Variants in RP1 observed in about 807,000 individuals in gnomAD.
RP1 encodes RP1 axonemal microtubule associated, also known as oxygen-regulated protein 1.
RP1 carries 16 observed loss-of-function variants against 14.8 expected under a neutral mutation model. The ratio of observed to expected loss-of-function variants is 1.08; its 90% CI spans 0.73 to 1.65. The LOEUF is 1.65. RP1 is among the 40% of genes most tolerant of loss of function. The pLI, the probability that RP1 is intolerant of heterozygous loss-of-function variation, is 0.00. For missense variants in RP1, 2,631 were observed against 2,535.0 expected (o/e 1.04, Z -0.81); for synonymous variants, 876 against 883.6 (o/e 0.99, Z 0.15).
chr8:54,665,814 C>T (rs1807003758), intron 7 of RP1, among the ~76,000 whole-genome samples: 2 of 152,076 alleles, frequency 1.3e-5, no homozygotes, highest in Non-Finnish European at 2.9e-5. Context: ...TCTGTCACCG[C>T]CTGGATGCAA....
intron 1 of RP1, among the ~76,000 whole-genome samples, chr8:54,605,165 T>C (rs1805397420): frequency 6.6e-6 from 1 of 152,220 alleles, no homozygotes; most frequent in Non-Finnish European, 1.5e-5. Context: ...TTCTTTCTCT[T>C]GTGGGCATTT....
chr8:54,649,114 C>T (rs1336118196), exon 4 of RP1: 2 of 1,512,774 alleles, frequency 1.3e-6, no homozygotes, highest in African/African-American at 1.4e-5. Flanking sequence ...ACAGATGGGG[C>T]TCGATTTCAG....
intron 24 of RP1, among the ~76,000 whole-genome samples, chr8:54,821,740 C>A (rs981029018): frequency 6.6e-6 from 1 of 152,150 alleles, no homozygotes; most frequent in African/African-American, 2.4e-5. Context: ...CCGCTAAGTA[C>A]CCCAAGGGCA....
At chr8:54,596,543 A>G (rs1304674952) in intron 1 of RP1, among the ~76,000 whole-genome samples, 2 of 152,160 alleles carry the variant, frequency 1.3e-5, no homozygotes, top group Non-Finnish European at 1.5e-5. Flanking sequence ...TATGACCTCA[A>G]ATCTGTTACA....
At chr8:54,848,052 G>A (rs975246307) in intron 25 of RP1, among the ~76,000 whole-genome samples, 1 of 152,118 alleles carries the variant, frequency 6.6e-6, no homozygotes, top group South Asian at 2.1e-4. Flanking sequence ...CAACATGAAA[G>A]TACATGTGAT....
chr8:54,592,095 A>C lies in RP1; in HGVS notation c.-12-28860A>C, dbSNP rs533234905. Among the ~76,000 whole-genome samples, 3 of 152,308 alleles carry C rather than the reference A, an allele frequency of 2.0e-5. No individual in the cohort carries two copies. The South Asian group carries it at 6.2e-4, about 32-fold the overall frequency. ...GAGAAGAATTGTAATCATTTTTGCA[A>C]ACAACCCACCACAAGGATATATATT... On this transcript the variant is annotated intron_variant, in intron 1 of 22. Coordinates refer to the RP1 transcript ENST00000636932.
At chr8:54,652,141 G>A (rs1254481674) in intron 4 of RP1, among the ~76,000 whole-genome samples, 1 of 152,010 alleles carries the variant, frequency 6.6e-6, no homozygotes, top group Non-Finnish European at 1.5e-5. Context: ...CCAAGTAGCT[G>A]GGATTACAGG....
At chr8:54,571,924 C>A (rs1385892215) in intron 1 of RP1, among the ~76,000 whole-genome samples, 1 of 152,124 alleles carries the variant, frequency 6.6e-6, no homozygotes, top group Non-Finnish European at 1.5e-5. Context: ...ACCCTAATCA[C>A]CTCATCTTAA....
intron 3 of RP1, among the ~76,000 whole-genome samples, chr8:54,638,559 T>G (rs1240828088): frequency 1.3e-5 from 2 of 152,128 alleles, no homozygotes; most frequent in Non-Finnish European, 2.9e-5. Flanking sequence ...TATTTTCTAA[T>G]CCCAACATGA....
At chr8:54,726,469 A>C in exon 17 of RP1, 1 of 1,527,120 alleles carries the variant, frequency 6.5e-7, no homozygotes, top group Non-Finnish European at 8.7e-7. Context: ...TACCTTCTTC[A>C]ACTGCAAGTA....
At chr8:54,836,475 AG>A (rs1349094664) in intron 24 of RP1, among the ~76,000 whole-genome samples, 1 of 152,212 alleles carries the variant, frequency 6.6e-6, no homozygotes, top group African/African-American at 2.4e-5. Context: ...TGCCTCTAAA[AG>A]CAAACATTTT....
chr8:54,600,539 T>C (rs1448329635), intron 1 of RP1, among the ~76,000 whole-genome samples: 1 of 151,708 alleles, frequency 6.6e-6, no homozygotes, highest in Non-Finnish European at 1.5e-5. Context: ...TAAGAGGGAG[T>C]GTGGTGGCTT....
downstream of RP1, among the ~76,000 whole-genome samples, chr8:54,632,359 A>G (rs1202406959): frequency 6.6e-6 from 1 of 152,184 alleles, no homozygotes; most frequent in Non-Finnish European, 1.5e-5. Flanking sequence ...ATGCATCATA[A>G]TTGGGAGAAG....
intron 3 of RP1, among the ~76,000 whole-genome samples, chr8:54,645,989 A>G (rs1806542161): frequency 6.6e-6 from 1 of 152,030 alleles, no homozygotes; most frequent in Admixed American, 6.6e-5. Flanking sequence ...CACCACCCGC[A>G]TTCTTTTTTT....
upstream of RP1, among the ~76,000 whole-genome samples, chr8:54,613,526 G>A (rs546037124): frequency 2.0e-5 from 3 of 152,296 alleles, no homozygotes; most frequent in African/African-American, 7.2e-5. Context: ...TGATAAAGAA[G>A]TTACACTTCT....
intron 23 of RP1, among the ~76,000 whole-genome samples, chr8:54,780,597 G>A (rs1022531934): frequency 1.3e-5 from 2 of 152,072 alleles, no homozygotes; most frequent in African/African-American, 2.4e-5. Context: ...TACTGAACAC[G>A]TACAGACTTT....
intron 14 of RP1, among the ~76,000 whole-genome samples, chr8:54,702,209 T>C (rs1808038363): frequency 6.6e-6 from 1 of 152,158 alleles, no homozygotes; most frequent in South Asian, 2.1e-4. Flanking sequence ...TATCTGTATT[T>C]GAAACGCGAA....
Position 54,626,655 on chromosome 8 carries a change from C to A in RP1, c.2773C>A (p.Pro925Thr), listed in dbSNP as rs1806061663. ...ACAGAGTTGGTTGCAGAACATAAAT[C>A]CATATCCAACTTTAAAGCCTATAAA... ...YIQSWLQNINPYPTLKPIKSA... is the reference protein window; with the variant it reads ...YIQSWLQNINTYPTLKPIKSA... Residue 925 changes from proline (P) to threonine (T), a missense_variant, in exon 4 of 4, where the codon CCA becomes ACA. Transcript: ENST00000220676. 1.2e-6 allele frequency: 2 copies of A among 1,613,854 alleles called. No individual in the cohort carries two copies. The highest frequency in any genetic ancestry group is 8.5e-7 in the Non-Finnish European group (1 of 1,179,888).
chr8:54,856,930 A>T (rs997479895), intron 26 of RP1: 14 of 357,150 alleles, frequency 3.9e-5, no homozygotes, highest in Middle Eastern at 7.8e-4. Flanking sequence ...AGAATACTAT[A>T]TAGTATAGTA....
Sources: allele counts gnomAD v4.1 joint callset (sites outside exome capture counted in the v4.1 genomes callset), GRCh38; gene constraint gnomAD v4.1.1; transcripts MANE v1.5; gene names NCBI Gene and HGNC (gene_info 2026-07-23, HGNC 2026-07-21).